Variants in NRG3 observed in about 807,000 individuals in gnomAD.
The protein encoded by NRG3 is neuregulin 3, also known as pro-neuregulin-3, membrane-bound isoform.
Under a neutral mutation model 66.9 loss-of-function variants are expected in NRG3, and 31 were observed. That is an observed-to-expected ratio of 0.46 (90% CI 0.35 to 0.63). The LOEUF is 0.63. NRG3 is among the 20% of genes least tolerant of loss of function. The pLI, the probability that NRG3 is intolerant of heterozygous loss-of-function variation, is 0.00. For missense variants in NRG3, 910 were observed against 878.9 expected, an observed-to-expected ratio of 1.04 and a Z score of -0.45; for synonymous variants, 393 against 359.4, an observed-to-expected ratio of 1.09 and a Z score of -1.06.
chr10:82,824,900 C>G (rs1024082101), intron 3 of NRG3, among the ~76,000 whole-genome samples: 8 of 151,866 alleles, frequency 5.3e-5, no homozygotes, highest in Non-Finnish European at 8.8e-5. Flanking sequence ...TGCTTAGAGA[C>G]AGGGTCTCAC....
intron 3 of NRG3, among the ~76,000 whole-genome samples, chr10:82,794,188 C>A (rs573657793): frequency 6.6e-6 from 1 of 152,186 alleles, no homozygotes; most frequent in African/African-American, 2.4e-5. Context: ...AATTAAATAT[C>A]CTATCTCATT....
At chr10:82,004,259 G>T (rs2061295393) in intron 1 of NRG3, among the ~76,000 whole-genome samples, 2 of 152,046 alleles carry the variant, frequency 1.3e-5, no homozygotes, top group African/African-American at 4.8e-5. Context: ...GTGTATATTG[G>T]ATTGTAATAT....
At chr10:82,362,701 A>G (rs575670576) in intron 2 of NRG3, among the ~76,000 whole-genome samples, 1 of 151,928 alleles carries the variant, frequency 6.6e-6, no homozygotes, top group Non-Finnish European at 1.5e-5. Flanking sequence ...GAAAATATAA[A>G]GCCACAGATT....
At chr10:82,067,445 T>C (rs1354602487) in intron 1 of NRG3, among the ~76,000 whole-genome samples, 1 of 152,214 alleles carries the variant, frequency 6.6e-6, no homozygotes, top group East Asian at 1.9e-4. Context: ...TCTCCCCGGT[T>C]CAAGCCATTC....
chr10:82,539,920 C>A (rs2043418070), intron 2 of NRG3, among the ~76,000 whole-genome samples: 4 of 152,172 alleles, frequency 2.6e-5, no homozygotes, highest in Admixed American at 2.0e-4. Flanking sequence ...GCGTGAGCCA[C>A]CGCACCCAGC....
intron 2 of NRG3, among the ~76,000 whole-genome samples, chr10:82,718,622 TAACAA>T (rs1474298525): frequency 6.6e-6 from 1 of 152,168 alleles, no homozygotes; most frequent in Admixed American, 6.5e-5. Flanking sequence ...ATATTTAAAA[TAACAA>T]AACAATGCTG....
chr10:82,027,955 T>C (rs2062391759), intron 1 of NRG3, among the ~76,000 whole-genome samples: 1 of 152,110 alleles, frequency 6.6e-6, no homozygotes, highest in Non-Finnish European at 1.5e-5. Context: ...GACTTGACTC[T>C]TTTGTCCCAT....
chr10:82,560,017 A>G (rs923785402), intron 2 of NRG3, among the ~76,000 whole-genome samples: 8 of 151,896 alleles, frequency 5.3e-5, no homozygotes, highest in Non-Finnish European at 8.8e-5. Flanking sequence ...TGAGCTTCCA[A>G]AATTTTGTTG....
intron 2 of NRG3, among the ~76,000 whole-genome samples, chr10:82,703,596 G>A (rs2056064257): frequency 6.6e-6 from 1 of 152,096 alleles, no homozygotes; most frequent in African/African-American, 2.4e-5. Context: ...CCTTTTATGG[G>A]TCAGATTCGT....
At chr10:82,419,469 A>C (rs1275779173) in intron 2 of NRG3, among the ~76,000 whole-genome samples, 1 of 152,188 alleles carries the variant, frequency 6.6e-6, no homozygotes, top group Non-Finnish European at 1.5e-5. Flanking sequence ...GATACTTAGA[A>C]AAATCTAAAT....
intron 3 of NRG3, among the ~76,000 whole-genome samples, chr10:82,816,528 G>T (rs1204189772): frequency 6.6e-6 from 1 of 152,200 alleles, no homozygotes; most frequent in Non-Finnish European, 1.5e-5. Flanking sequence ...CATGCTGATT[G>T]GTCCATGGGC....
intron 1 of NRG3, among the ~76,000 whole-genome samples, chr10:82,320,106 T>C (rs2081489019): frequency 6.6e-6 from 1 of 152,232 alleles, no homozygotes; most frequent in Non-Finnish European, 1.5e-5. Flanking sequence ...CACAGGAGCA[T>C]ACCTGTCAAT....
chr10:82,440,019 A>T (rs2090349669), intron 2 of NRG3, among the ~76,000 whole-genome samples: 1 of 152,094 alleles, frequency 6.6e-6, no homozygotes, highest in Admixed American at 6.5e-5. Flanking sequence ...TTGATGTAAA[A>T]TAGGTATAAT....
intron 1 of NRG3, among the ~76,000 whole-genome samples, chr10:81,891,400 G>GCATGGACT (rs552967967): frequency 1.6e-3 from 240 of 152,270 alleles, no homozygotes; most frequent in Non-Finnish European, 3.0e-3. Context: ...AGGTATTTAA[G>GCATGGACT]CATGGACTCA....
intron 1 of NRG3, among the ~76,000 whole-genome samples, chr10:82,155,882 G>C (rs747848228): frequency 6.6e-6 from 1 of 151,808 alleles, no homozygotes; most frequent in African/African-American, 2.4e-5. Context: ...AACAAAGGTA[G>C]CAGAATCCTC....
intron 3 of NRG3, among the ~76,000 whole-genome samples, chr10:82,782,123 A>C (rs1215543199): frequency 6.6e-6 from 1 of 152,148 alleles, no homozygotes; most frequent in Non-Finnish European, 1.5e-5. Flanking sequence ...CTATGGTTTG[A>C]ATTTATCCCC....
At chr10:82,298,560 C>CA (rs1248335463) in intron 1 of NRG3, among the ~76,000 whole-genome samples, 1 of 152,032 alleles carries the variant, frequency 6.6e-6, no homozygotes, top group Non-Finnish European at 1.5e-5. Context: ...AGTTAACCAT[C>CA]CATTGAGATG....
chr10:82,774,182 T>G (rs1161873594), intron 3 of NRG3, among the ~76,000 whole-genome samples: 1 of 152,182 alleles, frequency 6.6e-6, no homozygotes, highest in East Asian at 1.9e-4. Context: ...GTTTTGCTAG[T>G]GTTTTATTGA....
At chr10:82,772,919 G>C (rs2059772091) in intron 3 of NRG3, among the ~76,000 whole-genome samples, 1 of 151,670 alleles carries the variant, frequency 6.6e-6, no homozygotes, top group Admixed American at 6.6e-5. Context: ...TGCTCAGGAT[G>C]GTCTTGAACT....
Sources: allele counts gnomAD v4.1 joint callset (sites outside exome capture counted in the v4.1 genomes callset), GRCh38; gene constraint gnomAD v4.1.1; transcripts MANE v1.5; gene names NCBI Gene and HGNC (gene_info 2026-07-23, HGNC 2026-07-21).